Variants in PRDM14 observed in about 807,000 individuals in gnomAD.
PRDM14 encodes the protein PR/SET domain 14, also known as PR domain zinc finger protein 14.
Under a neutral mutation model 48.0 loss-of-function variants are expected in PRDM14, and 16 were observed. That is an observed-to-expected ratio of 0.33 (90% CI 0.23 to 0.51). PRDM14 has a LOEUF of 0.51. Ranked by LOEUF, PRDM14 falls within the 20% of genes least tolerant of loss-of-function variation. PRDM14 has a pLI of 0.97. For missense variants in PRDM14, 566 were observed against 719.6 expected (o/e 0.79, Z 2.44); for synonymous variants, 264 against 276.6 (o/e 0.95, Z 0.45).
At chr8:70,066,180 G>A in intron 5 of PRDM14, 55 bp downstream of exon 5, 1 of 1,563,724 alleles carries the variant, frequency 6.4e-7, no homozygotes, top group Non-Finnish European at 8.7e-7. Context: ...GTGGAAAAGA[G>A]CCCAGTCCTT....
intron 7 of PRDM14, among the ~76,000 whole-genome samples, chr8:70,053,072 T>G (rs1025466123): frequency 1.6e-5 from 2 of 125,924 alleles, no homozygotes; most frequent in Non-Finnish European, 3.2e-5. Flanking sequence ...CACTCCAGCC[T>G]GGGTAACAGA....
At chr8:70,061,526 T>C (rs1298412740) in intron 5 of PRDM14, among the ~76,000 whole-genome samples, 1 of 152,162 alleles carries the variant, frequency 6.6e-6, no homozygotes, top group Non-Finnish European at 1.5e-5. Flanking sequence ...TCTATCACTT[T>C]CATTGAGGTG....
chr8:70,063,678 A>G (rs911303768), intron 5 of PRDM14, among the ~76,000 whole-genome samples: 12 of 151,674 alleles, frequency 7.9e-5, no homozygotes, highest in African/African-American at 2.9e-4. Context: ...ATGCACCACC[A>G]CACCCAGCTA....
At position 70,055,414 on chromosome 8, in the gene PRDM14, A is replaced by T; in HGVS notation, c.1387-13T>A. 1 of 1,423,808 alleles carries T rather than the reference A, an allele frequency of 7.0e-7. No homozygotes were observed. The highest frequency in any genetic ancestry group is 9.9e-7 in the Non-Finnish European group (1 of 1,007,980). The allele number at this position is 1,423,808 out of a possible 1,614,324, so 88.2% of individuals were successfully genotyped here. ...CACATGTAGAACACTAAGGTGAAAA[A>T]GAAAAATATAGTTGAAATCACACCT... On this transcript the variant is annotated splice_polypyrimidine_tract_variant and intron_variant, in intron 6 of 7. Coordinates refer to ENST00000276594, the MANE Select transcript of PRDM14 (RefSeq NM_024504.4).
rs1805724871 is a variant in PRDM14, at chr8:70,069,340, G to A, written c.521C>T (p.Pro174Leu). 6 of 1,611,820 alleles carry A rather than the reference G, an allele frequency of 3.7e-6. No individual in the cohort carries two copies. In the African/African-American group the frequency reaches 4.0e-5, roughly 11 times the overall value. ...GGGACCATCCTCTGACTGCTTGCTG[G>A]GTGAGCAAGGTAATAACTGGGAGGT... ...LRTSQLLPCS[P>L]SKQSEDGPKP... Residue 174 changes from proline (P) to leucine (L), a missense_variant, in exon 2 of 8, where the codon CCC (proline) becomes CTC (leucine). Transcript: ENST00000276594.
At chr8:70,055,468 GT>G in intron 6 of PRDM14, 67 bp from the exon 7 acceptor site, 1 of 885,930 alleles carries the variant, frequency 1.1e-6, no homozygotes, top group Non-Finnish European at 1.9e-6. Flanking sequence ...TCAACCTTGC[GT>G]TTACCTGGGG....
intron 5 of PRDM14, among the ~76,000 whole-genome samples, chr8:70,060,521 A>G (rs548127500): frequency 6.6e-6 from 1 of 152,342 alleles, no homozygotes; most frequent in South Asian, 2.1e-4. Context: ...ACACACATAT[A>G]TATTTGTTTA....
rs750955424 is a variant in PRDM14 at position 70,052,132 on chromosome 8, A to T, written c.1661T>A (p.Ile554Asn). Residue 554 changes from isoleucine to asparagine, a missense_variant, in exon 8 of 8, where the codon ATC becomes AAC. By Grantham distance (149) the Ile-to-Asn change is moderately radical. This residue lies in a region of PRDM14 where 30 missense variants were observed against 23.4 expected (regional missense o/e 1.28). Transcript: ENST00000276594. ...DGCSCSICGKIFSDQETFYSH... is the reference protein window; with the variant it reads ...DGCSCSICGKNFSDQETFYSH... ...GTAGAATGTTTCTTGATCTGAGAAG[A>T]TTTTCCCACAGATGCTGCATGAGCA... 3 of 1,612,806 alleles carry T rather than the reference A, an allele frequency of 1.9e-6. No individual in the cohort carries two copies. The highest frequency in any genetic ancestry group is 1.7e-6 in the Non-Finnish European group (2 of 1,179,812).
rs150116441 is a variant in PRDM14 at position 70,065,166 on chromosome 8, G to A, written c.1183+1069C>T. Among the ~76,000 whole-genome samples, 153 of 152,216 alleles carry A rather than the reference G, an allele frequency of 1.0e-3. 1 individual carries two copies. Among genetic ancestry groups the A allele is most frequent in the African/African-American group, 3.4e-3 (143 of 41,554 alleles). ...ATCCCAAAGTGCTGGGATTAGAGGC[G>A]TGAGCCACTGTGCCCGACCTGAGAT... On this transcript the variant is annotated intron_variant, in intron 5 of 7. Transcript: ENST00000276594.
chr8:70,060,443 C>T (rs1274979316), intron 5 of PRDM14, among the ~76,000 whole-genome samples: 1 of 150,950 alleles, frequency 6.6e-6, no homozygotes, highest in African/African-American at 2.4e-5. Flanking sequence ...GTCACATTGT[C>T]ATACCTAAAC....
Position 70,051,847 on chromosome 8 carries a change from C to T in PRDM14, c.*230G>A. Reference sequence around the variant, plus strand: ...AAAGCAGTGGGGCGATCTCAGCTCACAGCAACCTCCGTCTCCTGTGCTCAA... The same window carrying T: ...AAAGCAGTGGGGCGATCTCAGCTCATAGCAACCTCCGTCTCCTGTGCTCAA... On this transcript the variant is annotated 3_prime_UTR_variant, in exon 8 of 8. Coordinates refer to ENST00000276594, the MANE Select transcript of PRDM14 (RefSeq NM_024504.4). The T allele has an allele frequency of 4.5e-6, 2 of 449,000 alleles. No individual in the cohort carries two copies. Among genetic ancestry groups the T allele is most frequent in the Admixed American group, 3.5e-5 (1 of 28,276 alleles). 27.8% of individuals were successfully genotyped at this position (449,000 alleles called of 1,614,324 possible).
rs754656350 is a variant in PRDM14 at position 70,052,162 on chromosome 8, T to C, written c.1631A>G (p.Asp544Gly). Residue 544 changes from aspartate (D) to glycine (G), a missense_variant, in exon 8 of 8, where the codon GAT becomes GGT. This residue lies in a region of PRDM14 where 126 missense variants were observed against 271.6 expected (regional missense o/e 0.46). Coordinates refer to ENST00000276594, the MANE Select transcript of PRDM14 (RefSeq NM_024504.4). ...SHVRRSHKED[D>G]GCSCSICGKI... ...CCCACAGATGCTGCATGAGCAGCCA[T>C]CATCCTCCTTGTGTGAACGCCGGAC... 1 of 1,613,560 alleles carries C rather than the reference T, an allele frequency of 6.2e-7. No homozygotes were observed. The highest frequency in any genetic ancestry group is 1.1e-5 in the South Asian group (1 of 91,032).
Position 70,069,682 on chromosome 8 carries a change from G to T in PRDM14, c.179C>A (p.Ala60Glu). The T allele has an allele frequency of 6.4e-7, 1 of 1,551,880 alleles. No individual in the cohort carries two copies. Residue 60 changes from alanine (A) to glutamate (E), a missense_variant, in exon 2 of 8, where the codon GCG becomes GAG. This residue lies in a region of PRDM14 where 410 missense variants were observed against 424.6 expected (regional missense o/e 0.97). Transcript: ENST00000276594. Reference sequence around the variant, plus strand: ...GGGGGGCATGGCGGGGGCAGCAGACGCTGCGGCCTCCAGCTGCCGGAAAGG... The same window carrying T: ...GGGGGGCATGGCGGGGGCAGCAGACTCTGCGGCCTCCAGCTGCCGGAAAGG... Reference protein sequence around the residue: ...FQPFRQLEAAASAAPAMPPFP... With the variant: ...FQPFRQLEAAESAAPAMPPFP...
intron 5 of PRDM14, among the ~76,000 whole-genome samples, chr8:70,064,038 G>A (rs888366889): frequency 1.3e-5 from 2 of 152,068 alleles, no homozygotes; most frequent in Non-Finnish European, 2.9e-5. Context: ...TACTCAACCT[G>A]TATGCAGATA....
At chr8:70,059,276 C>CTTT (rs1306697343) in intron 5 of PRDM14, among the ~76,000 whole-genome samples, 2 of 143,332 alleles carry the variant, frequency 1.4e-5, no homozygotes, top group African/African-American at 5.2e-5. Flanking sequence ...CTTTTCTTTT[C>CTTT]TTTTTTTTTT....
At position 70,069,868 on chromosome 8, in the gene PRDM14, C is replaced by A. The variant is rs2131044421; in HGVS notation, c.-8G>T. The stretch of plus-strand genomic sequence containing the variant: ...TGGCCGGGGTAGAGCCATCCCGGGA[C>A]CGCACGCTCGGCGGCTCTGCAGAAA... On this transcript the variant is annotated 5_prime_UTR_variant, in exon 2 of 8. Coordinates refer to ENST00000276594, the MANE Select transcript of PRDM14 (RefSeq NM_024504.4). 1.3e-6 allele frequency: 2 copies of A among 1,575,286 alleles called. No homozygotes were observed. Among genetic ancestry groups the A allele is most frequent in the East Asian group, 2.3e-5 (1 of 43,760 alleles).
intron 5 of PRDM14, among the ~76,000 whole-genome samples, chr8:70,062,745 C>T (rs1209248909): frequency 6.6e-6 from 1 of 152,168 alleles, no homozygotes; most frequent in Non-Finnish European, 1.5e-5. Context: ...GGATTACAGG[C>T]ATGAGCCACC....
At chr8:70,061,632 T>TGGGAA (rs1805583066) in intron 5 of PRDM14, among the ~76,000 whole-genome samples, 1 of 152,084 alleles carries the variant, frequency 6.6e-6, no homozygotes, top group African/African-American at 2.4e-5. Flanking sequence ...CTTCCTGGGG[T>TGGGAA]GGGAAGGGAA....
In PRDM14 at chr8:70,068,505, T is replaced by C; in HGVS notation, c.728A>G (p.Asp243Gly). 2 of 1,614,108 alleles carry C rather than the reference T, an allele frequency of 1.2e-6. No homozygotes were observed. Among genetic ancestry groups the C allele is most frequent in the Non-Finnish European group, 8.5e-7 (1 of 1,179,992 alleles). Residue 243 changes from aspartate to glycine, a missense_variant, in exon 3 of 8, where the codon GAT becomes GGT. Physicochemically the swap from Asp to Gly is moderately conservative, Grantham distance 94. Coordinates refer to ENST00000276594, the MANE Select transcript of PRDM14 (RefSeq NM_024504.4). ...SGSDSLPQTL[D>G]KDSLQLPEGL... ...TTCTGGAAGTTGAAGGGAGTCTTTATCCAGAGTTTGAGGAAGAGAATCAGA... is the reference window on the plus strand; with the variant it reads ...TTCTGGAAGTTGAAGGGAGTCTTTACCCAGAGTTTGAGGAAGAGAATCAGA...
Sources: gnomAD v4.1 joint callset for allele counts (sites outside exome capture counted in the v4.1 genomes callset) on GRCh38, gnomAD v4.1.1 for gene constraint, gnomAD v4.1.1 regional missense constraint, MANE v1.5 for transcripts, NCBI Gene and HGNC (gene_info 2026-07-23, HGNC 2026-07-21) for gene names.